CELF2: variants seen among roughly 807,000 people sequenced by gnomAD.
CELF2 encodes CUG triplet repeat RNA-binding protein 2.
In CELF2, 8 loss-of-function variants were observed where a neutral mutation model predicts 62.6. The observed-to-expected ratio is 0.13, with a 90% CI of 0.07 to 0.23. The LOEUF is 0.23. Among genes scored for constraint, CELF2 ranks in the 10% least tolerant of loss-of-function variants. The pLI is 1.00. For missense variants in CELF2, 333 were observed against 671.0 expected, an observed-to-expected ratio of 0.50 and a Z score of 5.56; for synonymous variants, 258 against 250.0, an observed-to-expected ratio of 1.03 and a Z score of -0.30.
chr10:10,945,325 G>C (rs1755633539), intron 2 of CELF2, among the ~76,000 whole-genome samples: 1 of 152,140 alleles, frequency 6.6e-6, no homozygotes, highest in Admixed American at 6.5e-5. Flanking sequence ...TCATGGGAGG[G>C]AGGAAAGCAG....
chr10:11,048,652 A>G (rs530370628), intron 1 of CELF2, among the ~76,000 whole-genome samples: 3 of 152,330 alleles, frequency 2.0e-5, no homozygotes, highest in South Asian at 2.1e-4. Flanking sequence ...TTCATAAAAC[A>G]CCTAAGGTAG....
At chr10:11,158,123 G>A (rs1259860537) in intron 1 of CELF2, among the ~76,000 whole-genome samples, 3 of 152,138 alleles carry the variant, frequency 2.0e-5, no homozygotes, top group African/African-American at 7.2e-5. Flanking sequence ...TTAACTGACG[G>A]TGAAACCAGT....
At chr10:11,232,205 A>G (rs926571283) in intron 3 of CELF2, among the ~76,000 whole-genome samples, 1 of 150,374 alleles carries the variant, frequency 6.7e-6, no homozygotes, top group Non-Finnish European at 1.5e-5. Flanking sequence ...ATGTGTTCTC[A>G]TTGTTCAGTT....
the CELF2 span, among the ~76,000 whole-genome samples, chr10:10,761,958 A>T: frequency 7.0e-6 from 1 of 143,446 alleles, no homozygotes; most frequent in Non-Finnish European, 1.5e-5. Flanking sequence ...GTGTGTGTAG[A>T]CAGATATGTA....
At position 11,164,805 on chromosome 10, in the gene CELF2, C is replaced by T. The variant is rs530367099; in HGVS notation, c.75-681C>T. On this transcript the variant is annotated intron_variant, in intron 1 of 12. Transcript: ENST00000633077. ...CCCCTCCCAGCTCCGGCCTTTTTCT[C>T]CAGCGTGGGCAGCCAATCAGCTGCG... Among the ~76,000 whole-genome samples, 12 of 152,234 alleles carry T rather than the reference C, an allele frequency of 7.9e-5. No homozygotes were observed. In the South Asian group the frequency reaches 2.1e-3, roughly 26 times the overall value.
At chr10:10,569,665 C>G in the CELF2 span, among the ~76,000 whole-genome samples, 1 of 152,146 alleles carries the variant, frequency 6.6e-6, no homozygotes, top group Non-Finnish European at 1.5e-5. Flanking sequence ...GAATTCAATG[C>G]AAAGAATCAG....
At chr10:10,889,234 G>A (rs532703516) in intron 1 of CELF2, among the ~76,000 whole-genome samples, 174 of 152,190 alleles carry the variant, frequency 1.1e-3, no homozygotes, top group Admixed American at 1.8e-3. Context: ...TTGCTTTCTT[G>A]TTGTTTTCAC....
chr10:10,533,309 G>A, the CELF2 span, among the ~76,000 whole-genome samples: 1 of 152,154 alleles, frequency 6.6e-6, no homozygotes, highest in African/African-American at 2.4e-5. Flanking sequence ...TAAGGGTCAA[G>A]GGGAGGAGCA....
the CELF2 span, among the ~76,000 whole-genome samples, chr10:10,620,137 C>A: frequency 2.6e-5 from 4 of 152,190 alleles, no homozygotes; most frequent in East Asian, 7.7e-4. Flanking sequence ...CAATCTTGGA[C>A]CCACAGGCCG....
At chr10:10,955,532 C>T (rs79944915) in intron 2 of CELF2, among the ~76,000 whole-genome samples, 1 of 152,308 alleles carries the variant, frequency 6.6e-6, no homozygotes, top group Non-Finnish European at 1.5e-5. Flanking sequence ...CACACATTCT[C>T]GACGTATGAA....
At chr10:10,663,672 A>G in the CELF2 span, among the ~76,000 whole-genome samples, 1 of 152,220 alleles carries the variant, frequency 6.6e-6, no homozygotes, top group Non-Finnish European at 1.5e-5. Flanking sequence ...TGGCTGACCC[A>G]TTGAAAAACA....
chr10:10,560,813 A>G, the CELF2 span, among the ~76,000 whole-genome samples: 6 of 152,342 alleles, frequency 3.9e-5, no homozygotes, highest in East Asian at 1.2e-3. Context: ...TGATATATAT[A>G]TACAATGGAA....
At chr10:11,031,552 G>T (rs1456016951) in intron 1 of CELF2, among the ~76,000 whole-genome samples, 2 of 152,196 alleles carry the variant, frequency 1.3e-5, no homozygotes, top group African/African-American at 4.8e-5. Context: ...ATTTCATACT[G>T]AACATTAGCT....
chr10:10,517,061 A>G, the CELF2 span, among the ~76,000 whole-genome samples: 2,261 of 152,294 alleles, frequency 0.015, 48 homozygotes, highest in African/African-American at 0.049. Flanking sequence ...CAGTGCATGA[A>G]TTTATTGAAT....
the CELF2 span, among the ~76,000 whole-genome samples, chr10:10,664,032 C>T: frequency 1.3e-5 from 2 of 152,086 alleles, no homozygotes; most frequent in Non-Finnish European, 2.9e-5. Flanking sequence ...ATATAAACCA[C>T]GGAGGATAGA....
intron 1 of CELF2, among the ~76,000 whole-genome samples, chr10:11,050,673 C>A (rs2063754835): frequency 6.6e-6 from 1 of 152,206 alleles, no homozygotes; most frequent in Non-Finnish European, 1.5e-5. Context: ...ATTCCAACAT[C>A]ACCACTCTGT....
chr10:10,696,257 C>T, the CELF2 span, among the ~76,000 whole-genome samples: 8 of 151,864 alleles, frequency 5.3e-5, 1 homozygote, highest in South Asian at 1.7e-3. Flanking sequence ...TTGGAGTACC[C>T]TGCCGTGTGA....
intron 11 of CELF2, among the ~76,000 whole-genome samples, chr10:11,325,370 G>C (rs2095668117): frequency 6.6e-6 from 1 of 152,232 alleles, no homozygotes; most frequent in Non-Finnish European, 1.5e-5. Context: ...GCAAATGATA[G>C]AGAAATCGGA....
the CELF2 span, among the ~76,000 whole-genome samples, chr10:10,691,213 G>A: frequency 1.3e-5 from 2 of 150,918 alleles, no homozygotes; most frequent in East Asian, 3.9e-4. Context: ...GTGTCCATGT[G>A]ATCTCATTGT....
Sources: gnomAD v4.1 joint callset for allele counts (sites outside exome capture counted in the v4.1 genomes callset) on GRCh38, gnomAD v4.1.1 for gene constraint, MANE v1.5 for transcripts, NCBI Gene and HGNC (gene_info 2026-07-23, HGNC 2026-07-21) for gene names.